Variants in NUDT6 observed in about 807,000 individuals in gnomAD.
NUDT6 encodes the protein FAD diphosphatase NUDT6.
Under a neutral mutation model 36.8 loss-of-function variants are expected in NUDT6, and 24 were observed. That is an observed-to-expected ratio of 0.65 (90% CI 0.47 to 0.92). The LOEUF (loss-of-function observed/expected upper bound fraction) is 0.92. Among genes scored for constraint, NUDT6 ranks in the 40% least tolerant of loss-of-function variants. NUDT6 has a pLI of 0.00. For synonymous variants in NUDT6, 163 were observed against 157.0 expected, an observed-to-expected ratio of 1.04 and a Z score of -0.29; for missense variants, 388 against 392.8, an observed-to-expected ratio of 0.99 and a Z score of 0.10.
intron 3 of NUDT6, among the ~76,000 whole-genome samples, chr4:122,911,479 C>T (rs958607691): frequency 6.6e-5 from 10 of 152,068 alleles, no homozygotes; most frequent in African/African-American, 2.2e-4. Context: ...TTATTGAGGG[C>T]TAGGTACAAT....
intron 1 of NUDT6, 179 bp from the exon 2 acceptor site, chr4:122,917,883 T>A (rs1472243076): frequency 1.7e-6 from 1 of 595,888 alleles, no homozygotes; most frequent in Non-Finnish European, 2.9e-6. Flanking sequence ...ACCTTGTTTA[T>A]ATGATTTTTC....
At chr4:122,909,653 G>GGTTT (rs1240077434) in intron 3 of NUDT6, among the ~76,000 whole-genome samples, 1 of 143,318 alleles carries the variant, frequency 7.0e-6, no homozygotes, top group African/African-American at 3.0e-5. Context: ...ACTTTATTAA[G>GGTTT]GTTTTTAATT....
chr4:122,921,413 C>T (rs1727987283), intron 1 of NUDT6: 1 of 151,890 alleles, frequency 6.6e-6, no homozygotes, highest in African/African-American at 2.4e-5. Flanking sequence ...TGAGACCAGC[C>T]TGGGCAACAC....
chr4:122,902,063 T>A (rs1727533877), intron 3 of NUDT6, among the ~76,000 whole-genome samples: 1 of 152,194 alleles, frequency 6.6e-6, no homozygotes. Context: ...TCTTTAATAA[T>A]CCTATCGCCT....
chr4:122,922,023 C>T (rs1306937915), intron 1 of NUDT6: 1 of 336,864 alleles, frequency 3.0e-6, no homozygotes, highest in Non-Finnish European at 5.4e-6. Context: ...GTTCTTATCA[C>T]CGGGGTCTGT....
Position 122,892,761 on chromosome 4 carries a change from T to C in NUDT6, c.*67A>G. On this transcript the variant is annotated 3_prime_UTR_variant, in exon 5 of 5. Transcript: ENST00000304430. ...AAATCACAGTCAGATGTTTAATCAATCCAAAATGTCCACTATTTCTTATGT... is the reference window on the plus strand; with the variant it reads ...AAATCACAGTCAGATGTTTAATCAACCCAAAATGTCCACTATTTCTTATGT... 1 of 1,395,250 alleles carries C rather than the reference T, an allele frequency of 7.2e-7. No homozygotes were observed. The highest frequency in any genetic ancestry group is 9.7e-7 in the Non-Finnish European group (1 of 1,035,362). The allele number at this position is 1,395,250 out of a possible 1,614,324, so 86.4% of individuals were successfully genotyped here.
intron 3 of NUDT6, among the ~76,000 whole-genome samples, chr4:122,900,380 G>A (rs1727496584): frequency 6.8e-6 from 1 of 146,620 alleles, no homozygotes; most frequent in Non-Finnish European, 1.5e-5. Flanking sequence ...CGAAGCTTTT[G>A]TAAACCTTCC....
chr4:122,903,647 A>G (rs1245385039), intron 3 of NUDT6, among the ~76,000 whole-genome samples: 1 of 152,146 alleles, frequency 6.6e-6, no homozygotes, highest in Non-Finnish European at 1.5e-5. Flanking sequence ...CTGCTTTGCC[A>G]GCTGACTCCC....
chr4:122,904,464 A>T (rs1327005660), intron 3 of NUDT6, among the ~76,000 whole-genome samples: 2 of 146,286 alleles, frequency 1.4e-5, no homozygotes, highest in East Asian at 2.0e-4. Flanking sequence ...ACTTTCTATA[A>T]TTTTTTTTTT....
chr4:122,904,037 A>G (rs1428331469), intron 3 of NUDT6, among the ~76,000 whole-genome samples: 1 of 152,158 alleles, frequency 6.6e-6, no homozygotes, highest in Non-Finnish European at 1.5e-5. Context: ...GATATTTAAG[A>G]TACAGCAGAT....
intron 2 of NUDT6, among the ~76,000 whole-genome samples, chr4:122,912,824 A>T (rs1327085447): frequency 1.3e-5 from 2 of 149,104 alleles, no homozygotes; most frequent in Non-Finnish European, 2.9e-5. Context: ...TTTCATATAC[A>T]TAATGAGGTA....
chr4:122,915,468 T>TC (rs1417152678), intron 2 of NUDT6, among the ~76,000 whole-genome samples: 4 of 29,090 alleles, frequency 1.4e-4, no homozygotes, highest in Non-Finnish European at 2.2e-4. Context: ...AGACCCTGCC[T>TC]CAAAAAAAAA....
At chr4:122,917,884 A>G (rs1015811552) in intron 1 of NUDT6, 180 bp from the exon 2 acceptor site, 3 of 594,526 alleles carry the variant, frequency 5.0e-6, no homozygotes, top group African/African-American at 3.7e-5. Flanking sequence ...CCTTGTTTAT[A>G]TGATTTTTCC....
At chr4:122,915,702 A>G (rs1727825353) in intron 2 of NUDT6, among the ~76,000 whole-genome samples, 7 of 152,154 alleles carry the variant, frequency 4.6e-5, no homozygotes, top group Admixed American at 4.6e-4. Context: ...CTCTTTTTGC[A>G]TATATTACCA....
intron 1 of NUDT6, 133 bp downstream of exon 1, chr4:122,922,202 A>C (rs958213844): frequency 2.9e-6 from 2 of 688,100 alleles, no homozygotes; most frequent in Admixed American, 3.6e-5. Context: ...AAACAGGTCC[A>C]GGTCACGCGT....
chr4:122,911,078 A>G (rs1727723358), intron 3 of NUDT6, among the ~76,000 whole-genome samples: 1 of 152,192 alleles, frequency 6.6e-6, no homozygotes, highest in Admixed American at 6.5e-5. Context: ...TTGTACATAC[A>G]GTATTTCGGG....
At chr4:122,902,896 C>T (rs536342753) in intron 3 of NUDT6, among the ~76,000 whole-genome samples, 3 of 152,244 alleles carry the variant, frequency 2.0e-5, no homozygotes, top group Admixed American at 6.5e-5. Flanking sequence ...AAACACTTGA[C>T]ATTAATGCCT....
chr4:122,916,510 A>T (rs1175993708), intron 2 of NUDT6, among the ~76,000 whole-genome samples: 1 of 152,222 alleles, frequency 6.6e-6, no homozygotes, highest in Non-Finnish European at 1.5e-5. Flanking sequence ...TAGTGCCAAC[A>T]TGTTTTACTC....
intron 3 of NUDT6, among the ~76,000 whole-genome samples, chr4:122,904,462 T>C (rs1727580239): frequency 6.8e-6 from 1 of 146,150 alleles, no homozygotes; most frequent in Non-Finnish European, 1.5e-5. Context: ...CTACTTTCTA[T>C]AATTTTTTTT....
Sources: gnomAD v4.1 joint callset for allele counts (sites outside exome capture counted in the v4.1 genomes callset) on GRCh38, gnomAD v4.1.1 for gene constraint, MANE v1.5 for transcripts, NCBI Gene and HGNC (gene_info 2026-07-23, HGNC 2026-07-21) for gene names.